Variants in RNF175 observed in about 807,000 individuals in gnomAD.
The protein encoded by RNF175 is ring finger protein 175.
RNF175 carries 38 observed loss-of-function variants against 50.0 expected under a neutral mutation model. The observed-to-expected ratio is 0.76, with a 90% CI of 0.59 to 1.00. The LOEUF is 1.00. RNF175 is among the 50% of genes least tolerant of loss of function. The pLI is 0.00. For missense variants in RNF175, 388 were observed against 409.6 expected (o/e 0.95, Z 0.46); for synonymous variants, 155 against 146.1 (o/e 1.06, Z -0.44).
Position 153,716,115 on chromosome 4 carries a change from G to T in RNF175, c.631-453C>A, listed in dbSNP as rs564356648. The stretch of plus-strand genomic sequence containing the variant: ...TCTCCACTGCTTCTAAGATAGTTTA[G>T]AATGTGAGACACCGTTTCCTGTAAG... On this transcript the variant is annotated intron_variant, in intron 6 of 8. Coordinates refer to ENST00000347063, the MANE Select transcript of RNF175 (RefSeq NM_173662.4). Among the ~76,000 whole-genome samples the T allele has an allele frequency of 2.0e-5, 3 of 147,002 alleles. No individual in the cohort carries two copies. The South Asian group carries it at 6.6e-4, about 33-fold the overall frequency.
At chr4:153,749,829 T>C (rs762300179) in intron 2 of RNF175, among the ~76,000 whole-genome samples, 26 of 152,200 alleles carry the variant, frequency 1.7e-4, no homozygotes, top group Non-Finnish European at 3.4e-4. Context: ...CCTAATCCCC[T>C]GTACTTCAAC....
chr4:153,716,676 A>C (rs947783945), intron 6 of RNF175, among the ~76,000 whole-genome samples: 1 of 152,136 alleles, frequency 6.6e-6, no homozygotes, highest in Non-Finnish European at 1.5e-5. Context: ...TATTAGATTG[A>C]TTTAAAGGAA....
rs531040753 is a variant in RNF175, at chr4:153,748,433, C to G, written c.246+212G>C. The G allele has an allele frequency of 1.8e-5, 8 of 447,810 alleles. No homozygotes were observed. The South Asian group carries it at 3.7e-4, about 21-fold the overall frequency. 27.7% of individuals were successfully genotyped at this position (447,810 alleles called of 1,614,324 possible). The stretch of plus-strand genomic sequence containing the variant: ...AGGTGCCAGTTGCAACTCCCCTCCC[C>G]CTTTTCACCCCCCACAAGTCTTGAC... On this transcript the variant is annotated intron_variant, in intron 3 of 8. Coordinates refer to ENST00000347063, the MANE Select transcript of RNF175 (RefSeq NM_173662.4).
intron 4 of RNF175, among the ~76,000 whole-genome samples, chr4:153,727,058 AG>A (rs1331077117): frequency 6.6e-6 from 1 of 152,260 alleles, no homozygotes; most frequent in Non-Finnish European, 1.5e-5. Flanking sequence ...TACAGTGGAT[AG>A]GCGAACCATT....
intron 3 of RNF175, among the ~76,000 whole-genome samples, chr4:153,739,394 G>A (rs903564096): frequency 2.6e-5 from 4 of 152,040 alleles, no homozygotes; most frequent in African/African-American, 9.7e-5. Flanking sequence ...GTACTCCAGC[G>A]ACAGAGCGAG....
At chr4:153,721,700 C>T (rs571175985) in intron 5 of RNF175, among the ~76,000 whole-genome samples, 4 of 152,120 alleles carry the variant, frequency 2.6e-5, no homozygotes, top group African/African-American at 9.6e-5. Context: ...TTTGGTATGC[C>T]TTACTGTAGG....
At chr4:153,731,144 G>A (rs1739010872) in intron 3 of RNF175, among the ~76,000 whole-genome samples, 1 of 152,142 alleles carries the variant, frequency 6.6e-6, no homozygotes, top group Non-Finnish European at 1.5e-5. Context: ...TGAATTCAGT[G>A]ATTGCATGGC....
intron 3 of RNF175, among the ~76,000 whole-genome samples, 166 bp from the exon 4 acceptor site, chr4:153,728,527 G>A (rs996379248): frequency 1.1e-4 from 17 of 152,184 alleles, no homozygotes; most frequent in African/African-American, 3.9e-4. Flanking sequence ...GACAGGCCAG[G>A]CTATGGGGAG....
At position 153,710,366 on chromosome 4, in the gene RNF175, G is replaced by A. The variant is rs374367091; in HGVS notation, c.*3C>T. Reference sequence around the variant, plus strand: ...CAGTATGTTGCTTCTGGGGTCTGCTGTCCTATTCCAGCCCTAGTGAATAGA... The same window carrying A: ...CAGTATGTTGCTTCTGGGGTCTGCTATCCTATTCCAGCCCTAGTGAATAGA... On this transcript the variant is annotated 3_prime_UTR_variant, in exon 9 of 9. Transcript: ENST00000347063. 75 of 1,551,008 alleles carry A rather than the reference G, an allele frequency of 4.8e-5. No homozygotes were observed. The highest frequency in any genetic ancestry group is 1.7e-4 in the Middle Eastern group (1 of 5,994).
intron 3 of RNF175, among the ~76,000 whole-genome samples, chr4:153,730,236 G>T (rs895825449): frequency 3.3e-5 from 5 of 152,110 alleles, no homozygotes; most frequent in Non-Finnish European, 2.9e-5. Flanking sequence ...CTTGAGCTCA[G>T]GAGCTTGAGA....
chr4:153,718,203 T>C (rs2127096486), intron 6 of RNF175, among the ~76,000 whole-genome samples: 1 of 149,550 alleles, frequency 6.7e-6, no homozygotes, highest in South Asian at 2.1e-4. Context: ...ATTCCTTTCC[T>C]AAGGAGTTTT....
At chr4:153,730,671 C>T (rs1452761190) in intron 3 of RNF175, among the ~76,000 whole-genome samples, 1 of 151,942 alleles carries the variant, frequency 6.6e-6, no homozygotes, top group Non-Finnish European at 1.5e-5. Context: ...TTTTATTTCC[C>T]CATAAAATAC....
intron 3 of RNF175, among the ~76,000 whole-genome samples, chr4:153,733,081 G>A (rs1037337250): frequency 2.3e-4 from 35 of 151,990 alleles, no homozygotes; most frequent in African/African-American, 8.2e-4. Flanking sequence ...CTGCTCTGAT[G>A]TACACAGCTC....
chr4:153,720,418 T>C, intron 5 of RNF175, 114 bp from the exon 6 acceptor site: 2 of 816,508 alleles, frequency 2.4e-6, no homozygotes, highest in Non-Finnish European at 3.9e-6. Flanking sequence ...GTATTTTTTT[T>C]TTCATTTATG....
chr4:153,720,430 G>A (rs946983297), intron 5 of RNF175, 126 bp from the exon 6 acceptor site: 7 of 625,712 alleles, frequency 1.1e-5, no homozygotes, highest in South Asian at 2.2e-5. Context: ...TCATTTATGT[G>A]TTTGATTTTT....
intron 3 of RNF175, chr4:153,745,521 C>T (rs1031581722): frequency 1.3e-5 from 2 of 152,202 alleles, no homozygotes; most frequent in African/African-American, 2.4e-5. Context: ...TGTGCATGAA[C>T]ACATTTCCAT....
chr4:153,745,915 A>G (rs1332999684), intron 3 of RNF175, among the ~76,000 whole-genome samples: 1 of 152,224 alleles, frequency 6.6e-6, no homozygotes, highest in Non-Finnish European at 1.5e-5. Flanking sequence ...TATGTTTCCA[A>G]CACATGAACT....
At chr4:153,742,915 C>A (rs1739753791) in intron 3 of RNF175, among the ~76,000 whole-genome samples, 1 of 151,816 alleles carries the variant, frequency 6.6e-6, no homozygotes, top group East Asian at 1.9e-4. Flanking sequence ...CACTATGTAG[C>A]CCCTTGTAGA....
At chr4:153,719,631 T>C (rs919079159) in intron 6 of RNF175, among the ~76,000 whole-genome samples, 17 of 152,210 alleles carry the variant, frequency 1.1e-4, no homozygotes, top group African/African-American at 4.1e-4. Context: ...AAACAACTGT[T>C]AGGGATTAAA....
Sources: gnomAD v4.1 joint callset for allele counts (sites outside exome capture counted in the v4.1 genomes callset) on GRCh38, gnomAD v4.1.1 for gene constraint, MANE v1.5 for transcripts, NCBI Gene and HGNC (gene_info 2026-07-23, HGNC 2026-07-21) for gene names.